Variants in LRRC1 observed in about 807,000 individuals in gnomAD.
The protein encoded by LRRC1 is leucine rich repeat containing 1, also known as leucine-rich repeat-containing protein 1.
LRRC1 carries 28 observed loss-of-function variants against 69.9 expected under a neutral mutation model. That is an observed-to-expected ratio of 0.40 (90% confidence interval 0.30 to 0.55). LRRC1 has a LOEUF of 0.55. Ranked by LOEUF, LRRC1 falls within the 20% of genes least tolerant of loss-of-function variation. The probability of loss-of-function intolerance (pLI) is 0.47; values close to 1 mark genes in which losing one functional copy is unlikely to be tolerated. For missense variants in LRRC1, 498 were observed against 609.0 expected (o/e 0.82, Z 1.92); for synonymous variants, 236 against 240.2 (o/e 0.98, Z 0.16).
rs186068005 is a variant in LRRC1, at chr6:53,882,862, G to A, written c.357-25G>A. 1.5e-4 allele frequency: 226 copies of A among 1,463,840 alleles called. 1 individual carries two copies. In the South Asian group the frequency reaches 1.6e-3, roughly 10 times the overall value. 90.7% of individuals were successfully genotyped at this position (1,463,840 alleles called of 1,614,324 possible). On this transcript the variant is annotated intron_variant, in intron 3 of 13. Coordinates refer to ENST00000370888, the MANE Select transcript of LRRC1 (RefSeq NM_018214.5). ...TACATGAACTTTTTTAATTTACAGC[G>A]TTTTGTTTGTTTGTTTGATTTTAGG...
intron 2 of LRRC1, among the ~76,000 whole-genome samples, chr6:53,877,799 A>T (rs925121624): frequency 2.0e-5 from 3 of 152,176 alleles, no homozygotes; most frequent in African/African-American, 7.2e-5. Flanking sequence ...AGGAAGTTCC[A>T]AACTTTCCCA....
At chr6:53,797,747 T>C (rs1405667921) in intron 1 of LRRC1, among the ~76,000 whole-genome samples, 1 of 152,204 alleles carries the variant, frequency 6.6e-6, no homozygotes, top group Non-Finnish European at 1.5e-5. Flanking sequence ...GCCACCTTCT[T>C]TCCACTGAAA....
intron 7 of LRRC1, among the ~76,000 whole-genome samples, chr6:53,898,236 A>G (rs1253113457): frequency 1.3e-5 from 2 of 152,186 alleles, no homozygotes; most frequent in African/African-American, 2.4e-5. Context: ...AACTAATTTA[A>G]GTCTGTTTAT....
intron 1 of LRRC1, among the ~76,000 whole-genome samples, chr6:53,804,086 T>G (rs991980161): frequency 1.3e-5 from 2 of 152,196 alleles, no homozygotes; most frequent in African/African-American, 2.4e-5. Context: ...ATGTTATTAG[T>G]GCAAATGACC....
intron 10 of LRRC1, 142 bp downstream of exon 10, chr6:53,904,604 C>A: frequency 2.0e-6 from 1 of 494,150 alleles, no homozygotes; most frequent in South Asian, 3.3e-5. Flanking sequence ...GAGTATAGAG[C>A]CAACTGGAGG....
chr6:53,806,091 G>T lies in LRRC1; in HGVS notation c.159+10676G>T, dbSNP rs376222099. 4.9e-3 allele frequency among the ~76,000 whole-genome samples: 742 copies of T among 152,252 alleles called. 2 individuals are homozygous for T. Among genetic ancestry groups the T allele is most frequent in the South Asian group, 7.1e-3 (34 of 4,818 alleles). ...CTGTCTCACTGCTCCTCATCCAACTGGACAGACCTCTGGAGCTAACATTCC... is the reference window on the plus strand; with the variant it reads ...CTGTCTCACTGCTCCTCATCCAACTTGACAGACCTCTGGAGCTAACATTCC... On this transcript the variant is annotated intron_variant, in intron 1 of 13. Transcript: ENST00000370888.
chr6:53,815,661 TGA>T (rs1351802748), intron 1 of LRRC1, among the ~76,000 whole-genome samples: 1 of 152,150 alleles, frequency 6.6e-6, no homozygotes, highest in African/African-American at 2.4e-5. Flanking sequence ...CTGTTCATGT[TGA>T]GTCTGTAGGG....
At chr6:53,902,843 A>G (rs949238264) in intron 9 of LRRC1, 96 bp downstream of exon 9, 1 of 748,942 alleles carries the variant, frequency 1.3e-6, no homozygotes, top group Non-Finnish European at 2.2e-6. Flanking sequence ...TCTTCATATT[A>G]CATCCCAAAA....
Position 53,855,274 on chromosome 6 carries a change from T to C in LRRC1, c.277+13047T>C, listed in dbSNP as rs186789154. 3.9e-5 allele frequency among the ~76,000 whole-genome samples: 6 copies of C among 152,386 alleles called. No homozygotes were observed. The East Asian group carries it at 1.2e-3, about 29-fold the overall frequency. On this transcript the variant is annotated intron_variant, in intron 2 of 13. Coordinates refer to ENST00000370888, the MANE Select transcript of LRRC1 (RefSeq NM_018214.5). ...TCATACCATGAACATTAACAGTTGA[T>C]GTCTTGAAGTATTTAATCTTTGTTT...
At chr6:53,816,161 C>T (rs567218803) in intron 1 of LRRC1, among the ~76,000 whole-genome samples, 2 of 152,240 alleles carry the variant, frequency 1.3e-5, no homozygotes, top group East Asian at 3.9e-4. Flanking sequence ...GTAAAAGAGG[C>T]TTTAATCTTA....
At chr6:53,917,034 G>T (rs1768587343) in intron 11 of LRRC1, among the ~76,000 whole-genome samples, 1 of 152,168 alleles carries the variant, frequency 6.6e-6, no homozygotes, top group Admixed American at 6.5e-5. Context: ...CTTGTGCGTT[G>T]ATTCTGTTTA....
intron 1 of LRRC1, among the ~76,000 whole-genome samples, chr6:53,841,391 A>G (rs1174666338): frequency 6.6e-6 from 1 of 152,048 alleles, no homozygotes; most frequent in African/African-American, 2.4e-5. Flanking sequence ...TTTGTTAGTT[A>G]CCATTCATCC....
intron 10 of LRRC1, among the ~76,000 whole-genome samples, chr6:53,912,347 T>G (rs1768439760): frequency 6.6e-6 from 1 of 152,222 alleles, no homozygotes; most frequent in Non-Finnish European, 1.5e-5. Context: ...TAGCTAATTT[T>G]GGATCATTGG....
At chr6:53,880,339 C>G (rs1767248975) in intron 3 of LRRC1, among the ~76,000 whole-genome samples, 1 of 152,106 alleles carries the variant, frequency 6.6e-6, no homozygotes, top group Admixed American at 6.5e-5. Flanking sequence ...CAACCTTATC[C>G]TCTTTCCCCA....
At chr6:53,823,304 T>C (rs1765166765) in intron 1 of LRRC1, among the ~76,000 whole-genome samples, 1 of 152,214 alleles carries the variant, frequency 6.6e-6, no homozygotes, top group African/African-American at 2.4e-5. Flanking sequence ...ACTCCCTTAT[T>C]AAAGAACTTA....
chr6:53,870,325 T>C (rs1766841145), intron 2 of LRRC1, among the ~76,000 whole-genome samples: 1 of 152,214 alleles, frequency 6.6e-6, no homozygotes, highest in Non-Finnish European at 1.5e-5. Context: ...CTAACAGACA[T>C]ACCTTTCGTC....
At chr6:53,894,452 A>G (rs1767802477) in intron 4 of LRRC1, among the ~76,000 whole-genome samples, 1 of 152,224 alleles carries the variant, frequency 6.6e-6, no homozygotes, top group Non-Finnish European at 1.5e-5. Flanking sequence ...AGATGCTTTC[A>G]GTGATGCCCA....
intron 1 of LRRC1, among the ~76,000 whole-genome samples, chr6:53,837,217 T>G (rs1765637982): frequency 1.2e-5 from 1 of 80,916 alleles, no homozygotes; most frequent in Admixed American, 1.1e-4. Flanking sequence ...TATGTGAGAG[T>G]TTTTTTTTTA....
intron 1 of LRRC1, among the ~76,000 whole-genome samples, chr6:53,804,185 A>G (rs576012116): frequency 6.6e-6 from 1 of 152,308 alleles, no homozygotes; most frequent in African/African-American, 2.4e-5. Flanking sequence ...AAAAGAAAGA[A>G]TAGTCACTTG....
Sources: gnomAD v4.1 joint callset for allele counts (sites outside exome capture counted in the v4.1 genomes callset) on GRCh38, gnomAD v4.1.1 for gene constraint, MANE v1.5 for transcripts, NCBI Gene and HGNC (gene_info 2026-07-23, HGNC 2026-07-21) for gene names.